The following DACH1 variants were observed in gnomAD, a reference collection of about 807,000 sequenced individuals.
DACH1 encodes the protein dachshund family transcription factor 1.
Under a neutral mutation model 54.2 loss-of-function variants are expected in DACH1, and 12 were observed. The observed-to-expected ratio is 0.22, with a 90% CI of 0.14 to 0.36. DACH1 has a LOEUF of 0.36. Among genes scored for constraint, DACH1 ranks in the 10% least tolerant of loss-of-function variants. The pLI is 1.00. For synonymous variants in DACH1, 386 were observed against 366.2 expected, an observed-to-expected ratio of 1.05 and a Z score of -0.62; for missense variants, 805 against 929.8, an observed-to-expected ratio of 0.87 and a Z score of 1.75.
At chr13:71,656,780 A>AAT (rs1286104561) in intron 2 of DACH1, among the ~76,000 whole-genome samples, 1 of 149,824 alleles carries the variant, frequency 6.7e-6, no homozygotes, top group Non-Finnish European at 1.5e-5. Flanking sequence ...TTCAAGTCAG[A>AAT]ATATATATAT....
At chr13:71,701,339 A>C (rs1022565306) in intron 1 of DACH1, among the ~76,000 whole-genome samples, 1 of 152,202 alleles carries the variant, frequency 6.6e-6, no homozygotes, top group Non-Finnish European at 1.5e-5. Flanking sequence ...ATATGTGACA[A>C]TCAGAGTTAT....
intron 1 of DACH1, among the ~76,000 whole-genome samples, chr13:71,852,695 T>A (rs1873752810): frequency 6.6e-6 from 1 of 152,182 alleles, no homozygotes; most frequent in South Asian, 2.1e-4. Context: ...TTGGCTAAAG[T>A]TCAATTTGTT....
At chr13:71,608,264 A>T (rs1020386872) in intron 3 of DACH1, among the ~76,000 whole-genome samples, 1 of 152,032 alleles carries the variant, frequency 6.6e-6, no homozygotes. Context: ...ATACATATAA[A>T]CAAATCCACT....
chr13:71,690,154 C>T (rs1881401474), intron 1 of DACH1, among the ~76,000 whole-genome samples: 1 of 152,094 alleles, frequency 6.6e-6, no homozygotes, highest in Admixed American at 6.6e-5. Flanking sequence ...ATGCATCAAA[C>T]AGATTACTTT....
intron 1 of DACH1, among the ~76,000 whole-genome samples, chr13:71,805,160 G>C (rs1887444656): frequency 6.6e-6 from 1 of 152,126 alleles, no homozygotes; most frequent in Admixed American, 6.6e-5. Context: ...TCATCAGATA[G>C]CTAGATTGTA....
At chr13:71,724,640 G>A (rs1292913124) in intron 1 of DACH1, among the ~76,000 whole-genome samples, 1 of 151,986 alleles carries the variant, frequency 6.6e-6, no homozygotes, top group Non-Finnish European at 1.5e-5. Flanking sequence ...ATTGAATAAA[G>A]TATTACTTAT....
chr13:71,502,646 G>A (rs1593797724), intron 6 of DACH1, among the ~76,000 whole-genome samples: 1 of 152,140 alleles, frequency 6.6e-6, no homozygotes, highest in Non-Finnish European at 1.5e-5. Flanking sequence ...TTTATCAGAT[G>A]CAATTAAACC....
chr13:71,529,721 CA>C (rs1028203765), intron 6 of DACH1, among the ~76,000 whole-genome samples: 3 of 152,180 alleles, frequency 2.0e-5, no homozygotes, highest in Admixed American at 2.0e-4. Flanking sequence ...GCAAACTCAA[CA>C]ACTCACCATC....
chr13:71,634,328 G>A lies in DACH1; in HGVS notation c.965-3611C>T, dbSNP rs577724687. Among the ~76,000 whole-genome samples, 44 of 152,204 alleles carry A rather than the reference G, an allele frequency of 2.9e-4. 1 individual carries two copies. The South Asian group carries it at 8.9e-3, about 31-fold the overall frequency. On this transcript the variant is annotated intron_variant, in intron 2 of 10. Transcript: ENST00000613252. ...GCTTGCTCTTAGGATCCAGTCCAGT[G>A]CTTCTCATGGCTGTCAGCGCCCTTT...
chr13:71,641,981 CA>C (rs1211745665), intron 2 of DACH1, among the ~76,000 whole-genome samples: 1 of 151,960 alleles, frequency 6.6e-6, no homozygotes, highest in East Asian at 1.9e-4. Flanking sequence ...CTTTTTGCTG[CA>C]AAAAAATTAT....
At chr13:71,481,272 A>G (rs1878007727) in intron 7 of DACH1, among the ~76,000 whole-genome samples, 1 of 152,230 alleles carries the variant, frequency 6.6e-6, no homozygotes, top group South Asian at 2.1e-4. Flanking sequence ...GATTGGTTGT[A>G]TTATCAGTAG....
chr13:71,636,773 T>C (rs1877517532), intron 2 of DACH1, among the ~76,000 whole-genome samples: 1 of 152,028 alleles, frequency 6.6e-6, no homozygotes, highest in African/African-American at 2.4e-5. Context: ...TTTAGATTTC[T>C]TTTTCTTTCC....
chr13:71,534,292 GA>G (rs775838557), intron 6 of DACH1, among the ~76,000 whole-genome samples: 1 of 151,264 alleles, frequency 6.6e-6, no homozygotes. Flanking sequence ...TAAATCGAAG[GA>G]AAAATTCAAA....
At chr13:71,752,285 T>C (rs906870289) in intron 1 of DACH1, among the ~76,000 whole-genome samples, 5 of 152,186 alleles carry the variant, frequency 3.3e-5, no homozygotes, top group African/African-American at 1.2e-4. Flanking sequence ...TATATTTGCA[T>C]ATTTAGTTCT....
At chr13:71,552,830 TATATATATATATAGAGAGAGAGAGAGAG>T (rs1207774448) in intron 6 of DACH1, among the ~76,000 whole-genome samples, 2 of 42,866 alleles carry the variant, frequency 4.7e-5, no homozygotes, top group African/African-American at 2.0e-4. Context: ...TATATATATA[TATATATATATATAGAGAGAGAGAGAGAG>T]AGAGAGAGAG....
chr13:71,597,569 TG>T lies in DACH1; in HGVS notation c.1127-24558del, dbSNP rs555519464. On this transcript the variant is annotated intron_variant, in intron 3 of 10. Coordinates refer to ENST00000613252, the MANE Select transcript of DACH1 (RefSeq NM_080759.6). Reference sequence around the variant, plus strand: ...TACCTCCCTCAGTGTGATTTCACCATGGGGCTCTCATCAGTGCACCCTGGGG... The same window carrying T: ...TACCTCCCTCAGTGTGATTTCACCATGGGCTCTCATCAGTGCACCCTGGGG... Among the ~76,000 whole-genome samples the T allele has an allele frequency of 2.0e-5, 3 of 152,254 alleles. No homozygotes were observed. The South Asian group carries it at 6.2e-4, about 32-fold the overall frequency.
intron 6 of DACH1, among the ~76,000 whole-genome samples, chr13:71,519,818 ATAAC>A (rs1255440693): frequency 7.1e-6 from 1 of 141,712 alleles, no homozygotes; most frequent in Non-Finnish European, 1.5e-5. Flanking sequence ...TGAGCACCAA[ATAAC>A]ACTTCACCAC....
At chr13:71,730,307 T>C (rs1165892555) in intron 1 of DACH1, among the ~76,000 whole-genome samples, 1 of 152,176 alleles carries the variant, frequency 6.6e-6, no homozygotes, top group East Asian at 1.9e-4. Flanking sequence ...CCTATTCTAT[T>C]CTGTACCAAC....
chr13:71,511,149 A>C (rs1246898704), intron 6 of DACH1, among the ~76,000 whole-genome samples: 1 of 152,078 alleles, frequency 6.6e-6, no homozygotes, highest in African/African-American at 2.4e-5. Flanking sequence ...TACACATCCC[A>C]ATCCATATTT....
Sources: gnomAD v4.1 joint callset for allele counts (sites outside exome capture counted in the v4.1 genomes callset) on GRCh38, gnomAD v4.1.1 for gene constraint, MANE v1.5 for transcripts, NCBI Gene and HGNC (gene_info 2026-07-23, HGNC 2026-07-21) for gene names.